The following DPP6 variants were observed in gnomAD, a reference collection of about 807,000 sequenced individuals.
DPP6 encodes A-type potassium channel modulatory protein DPP6.
Under a neutral mutation model 122.6 loss-of-function variants are expected in DPP6, and 69 were observed. The ratio of observed to expected loss-of-function variants is 0.56; its 90% CI spans 0.46 to 0.69. The LOEUF (loss-of-function observed/expected upper bound fraction) is 0.69, where lower values mean the gene tolerates loss of function less well. Among genes scored for constraint, DPP6 ranks in the 30% least tolerant of loss-of-function variants. The pLI is 0.00. For missense variants in DPP6, 928 were observed against 1,116.9 expected (o/e 0.83, Z 2.41); for synonymous variants, 418 against 433.1 (o/e 0.97, Z 0.43).
At chr7:154,149,104 G>A (rs1348887062) in intron 1 of DPP6, among the ~76,000 whole-genome samples, 3 of 152,172 alleles carry the variant, frequency 2.0e-5, no homozygotes, top group East Asian at 1.9e-4. Flanking sequence ...CCCTCCGATG[G>A]CCATTCCCCT....
In DPP6 at chr7:154,063,366, T is replaced by A. The variant is rs867376394; in HGVS notation, c.243+10303T>A. Among the ~76,000 whole-genome samples the A allele has an allele frequency of 1.3e-3, 84 of 65,276 alleles. 3 individuals carry two copies. In the East Asian group the frequency reaches 0.015, roughly 12 times the overall value. The allele number at this position is 65,276 out of a possible 152,430, so 42.8% of individuals were successfully genotyped here. A position where few individuals can be genotyped will look rare whatever the true frequency, so the allele number is the denominator to read the frequency against. ...TTAGGAACCCCATTGCAGGAGGGTG[T>A]GGCACCCCCCACGAGGGTGGGGACT... On this transcript the variant is annotated intron_variant, in intron 1 of 25. Coordinates refer to ENST00000377770, the MANE Select transcript of DPP6 (RefSeq NM_130797.4).
At chr7:154,218,834 A>G (rs1800147880) in intron 1 of DPP6, among the ~76,000 whole-genome samples, 1 of 152,232 alleles carries the variant, frequency 6.6e-6, no homozygotes, top group African/African-American at 2.4e-5. Flanking sequence ...AAACATATGT[A>G]CTTTAAATAT....
At chr7:154,798,852 C>G (rs144024817) in intron 12 of DPP6, among the ~76,000 whole-genome samples, 1 of 152,204 alleles carries the variant, frequency 6.6e-6, no homozygotes, top group Non-Finnish European at 1.5e-5. Flanking sequence ...CTGCATCCCT[C>G]GAGTTACTGT....
rs936388241 is a variant in DPP6 at position 154,877,764 on chromosome 7, C to T, written c.2078+1664C>T. Reference sequence around the variant, plus strand: ...CCTCCCCTGCCCATTCCAGAACCTGCCACCAGTGAGACAGGTGCAGGCAGC... The same window carrying T: ...CCTCCCCTGCCCATTCCAGAACCTGTCACCAGTGAGACAGGTGCAGGCAGC... On this transcript the variant is annotated intron_variant, in intron 20 of 25. Transcript: ENST00000377770. This position sits in a 1 kb window ranked among gnomAD's most constrained non-coding sequence, Gnocchi z 5.2. Among the ~76,000 whole-genome samples the T allele has an allele frequency of 2.0e-5, 3 of 152,236 alleles. No homozygotes were observed. Among genetic ancestry groups the T allele is most frequent in the Non-Finnish European group, 4.4e-5 (3 of 68,032 alleles).
At chr7:154,805,346 C>T (rs989226824) in intron 15 of DPP6, among the ~76,000 whole-genome samples, 17 of 152,110 alleles carry the variant, frequency 1.1e-4, no homozygotes, top group African/African-American at 3.6e-4. Context: ...GAAACAAACC[C>T]GTGGGTCAGC....
intron 1 of DPP6, among the ~76,000 whole-genome samples, chr7:154,253,865 C>T (rs1306849837): frequency 1.3e-5 from 2 of 152,150 alleles, no homozygotes; most frequent in Non-Finnish European, 2.9e-5. Context: ...CCTTAGGAAA[C>T]ACAATTATGG....
At chr7:153,780,976 T>TTA in the DPP6 span, among the ~76,000 whole-genome samples, 768 of 152,038 alleles carry the variant, frequency 5.1e-3, 7 homozygotes, top group South Asian at 0.026. Flanking sequence ...ATGAATTTTT[T>TTA]AAAAAAATGG....
intron 6 of DPP6, among the ~76,000 whole-genome samples, chr7:154,651,332 T>C (rs71534139): frequency 0.12 from 18,593 of 152,218 alleles, 1,495 homozygotes; most frequent in Non-Finnish European, 0.18. Flanking sequence ...TACATAAGAA[T>C]TGTACAATGT....
chr7:154,522,548 C>A (rs1827081900), intron 3 of DPP6, among the ~76,000 whole-genome samples: 1 of 152,118 alleles, frequency 6.6e-6, no homozygotes, highest in South Asian at 2.1e-4. Flanking sequence ...CTGGCAGGGC[C>A]GCTGAATGCT....
At chr7:154,096,599 A>G (rs1805337988) in intron 1 of DPP6, among the ~76,000 whole-genome samples, 1 of 152,326 alleles carries the variant, frequency 6.6e-6, no homozygotes, top group African/African-American at 2.4e-5. Flanking sequence ...TTTCATAATT[A>G]AAGTCATACT....
At chr7:154,153,785 T>C (rs1307358772) in intron 1 of DPP6, among the ~76,000 whole-genome samples, 1 of 152,244 alleles carries the variant, frequency 6.6e-6, no homozygotes, top group Non-Finnish European at 1.5e-5. Context: ...TGAACGGGTG[T>C]GACTGTGTAC....
intron 3 of DPP6, among the ~76,000 whole-genome samples, chr7:154,533,309 A>G (rs1044519858): frequency 1.3e-5 from 2 of 152,182 alleles, no homozygotes; most frequent in African/African-American, 4.8e-5. Context: ...TTTCTCTCCT[A>G]CAATACCAAT....
At chr7:154,532,556 G>C (rs1180711249) in intron 3 of DPP6, among the ~76,000 whole-genome samples, 1 of 151,964 alleles carries the variant, frequency 6.6e-6, no homozygotes, top group Non-Finnish European at 1.5e-5. Flanking sequence ...CTTGTTCTTT[G>C]AAAGGTCAAT....
At chr7:154,843,766 C>T (rs1441933617) in intron 16 of DPP6, among the ~76,000 whole-genome samples, 1 of 152,228 alleles carries the variant, frequency 6.6e-6, no homozygotes, top group Non-Finnish European at 1.5e-5. Flanking sequence ...AAGCTGCTTA[C>T]CTGGAATCAC....
chr7:153,840,545 T>A, the DPP6 span, among the ~76,000 whole-genome samples: 1 of 152,134 alleles, frequency 6.6e-6, no homozygotes, highest in Non-Finnish European at 1.5e-5. Context: ...TAATTAATAC[T>A]TATTCACTAA....
chr7:154,871,130 GCCT>G (rs1445965217), intron 18 of DPP6, among the ~76,000 whole-genome samples: 1 of 152,102 alleles, frequency 6.6e-6, no homozygotes, highest in African/African-American at 2.4e-5. Flanking sequence ...CTTAGGCCTG[GCCT>G]CCTCCTCCTC....
intron 3 of DPP6, among the ~76,000 whole-genome samples, chr7:154,531,834 C>G (rs1228258958): frequency 2.6e-5 from 4 of 152,098 alleles, no homozygotes; most frequent in Non-Finnish European, 5.9e-5. Flanking sequence ...ACATTATTAA[C>G]TGCTTCTGGA....
chr7:154,548,622 C>T (rs1214695559), intron 4 of DPP6, among the ~76,000 whole-genome samples: 2 of 152,052 alleles, frequency 1.3e-5, no homozygotes, highest in Non-Finnish European at 2.9e-5. Flanking sequence ...GGGCTGTGTA[C>T]CATCACTCCT....
chr7:154,598,874 C>T (rs867748384), intron 5 of DPP6, among the ~76,000 whole-genome samples: 9 of 152,234 alleles, frequency 5.9e-5, no homozygotes, highest in Middle Eastern at 6.8e-3. Context: ...ATAGTATGTT[C>T]ATCCTTAGGG....
Sources: allele counts gnomAD v4.1 joint callset (sites outside exome capture counted in the v4.1 genomes callset), GRCh38; gene constraint gnomAD v4.1.1; non-coding constraint Gnocchi (gnomAD v3.1); transcripts MANE v1.5; gene names NCBI Gene and HGNC (gene_info 2026-07-23, HGNC 2026-07-21).